Variants in SCNN1B observed in about 807,000 individuals in gnomAD.
SCNN1B encodes epithelial sodium channel subunit beta.
Under a neutral mutation model 65.3 loss-of-function variants are expected in SCNN1B, and 46 were observed. The observed-to-expected ratio is 0.70, with a 90% CI of 0.56 to 0.90. The LOEUF (loss-of-function observed/expected upper bound fraction) is 0.90, where lower values mean the gene tolerates loss of function less well. SCNN1B is among the 40% of genes least tolerant of loss of function. The probability of loss-of-function intolerance (pLI) is 0.00; values close to 1 mark genes in which losing one functional copy is unlikely to be tolerated. For missense variants in SCNN1B, 751 were observed against 830.5 expected (o/e 0.90, Z 1.18); for synonymous variants, 349 against 330.6 (o/e 1.06, Z -0.60).
chr16:23,287,694 T>C (rs374748477), intron 2 of SCNN1B, among the ~76,000 whole-genome samples: 15 of 152,168 alleles, frequency 9.9e-5, no homozygotes, highest in African/African-American at 2.9e-4. Flanking sequence ...CAGTGAGCTA[T>C]GATTATACCA....
chr16:23,377,569 C>CT (rs1444074315), intron 10 of SCNN1B, among the ~76,000 whole-genome samples, 183 bp downstream of exon 10: 3 of 30,196 alleles, frequency 9.9e-5, no homozygotes, highest in Middle Eastern at 0.013. Context: ...TTCCTCCTCT[C>CT]TTTTCCCTTC....
At chr16:23,363,899 G>A (rs552308239) in intron 4 of SCNN1B, among the ~76,000 whole-genome samples, 1 of 152,126 alleles carries the variant, frequency 6.6e-6, no homozygotes, top group East Asian at 1.9e-4. Flanking sequence ...CAGGTGCAGT[G>A]ACTCACCCTG....
chr16:23,339,042 C>T (rs1049836198), intron 1 of SCNN1B, among the ~76,000 whole-genome samples: 1 of 152,176 alleles, frequency 6.6e-6, no homozygotes, highest in African/African-American at 2.4e-5. Flanking sequence ...ACTACTCACC[C>T]AAGGCCCAGA....
intron 1 of SCNN1B, among the ~76,000 whole-genome samples, chr16:23,311,388 T>C (rs28414990): frequency 0.063 from 9,616 of 152,228 alleles, 1,027 homozygotes; most frequent in African/African-American, 0.22. Flanking sequence ...TTACTCCTGA[T>C]TGGACTCATT....
chr16:23,376,678 G>A (rs1343532219), intron 8 of SCNN1B, among the ~76,000 whole-genome samples: 29 of 150,768 alleles, frequency 1.9e-4, no homozygotes, highest in Non-Finnish European at 3.2e-4. Flanking sequence ...GGGAGGCCGC[G>A]GTGAGCAGAT....
chr16:23,313,772 C>T (rs1191468736), intron 1 of SCNN1B, among the ~76,000 whole-genome samples: 1 of 152,168 alleles, frequency 6.6e-6, no homozygotes, highest in Non-Finnish European at 1.5e-5. Flanking sequence ...CCACCACGCC[C>T]AGCTAATTTT....
intron 1 of SCNN1B, among the ~76,000 whole-genome samples, chr16:23,321,849 C>T (rs1248374926): frequency 6.6e-6 from 1 of 151,988 alleles, no homozygotes; most frequent in Non-Finnish European, 1.5e-5. Flanking sequence ...ATGGCAAAAC[C>T]CTGCCTCTAC....
intron 10 of SCNN1B, 117 bp from the exon 11 acceptor site, chr16:23,378,589 T>C (rs1229522633): frequency 6.8e-6 from 6 of 877,220 alleles, no homozygotes; most frequent in Non-Finnish European, 1.1e-5. Flanking sequence ...AAATTGTGAT[T>C]CCCCCGGGGG....
chr16:23,375,862 G>T lies in SCNN1B; in HGVS notation c.1270+7G>T. ...CGGGACTTCCCAGACTGGGGTGAGC[G>T]GGGGCACGGGGGATCGGCACTCCAG... is the stretch of plus-strand genomic sequence containing the variant. On this transcript the variant is annotated splice_region_variant and intron_variant, in intron 8 of 12. Coordinates refer to ENST00000343070, the MANE Select transcript of SCNN1B (RefSeq NM_000336.3). 6.4e-7 allele frequency: 1 copy of T among 1,563,654 alleles called. No individual in the cohort carries two copies. The highest frequency in any genetic ancestry group is 8.8e-7 in the Non-Finnish European group (1 of 1,134,138).
chr16:23,311,184 C>T (rs772476101), intron 1 of SCNN1B, among the ~76,000 whole-genome samples: 2 of 152,220 alleles, frequency 1.3e-5, no homozygotes, highest in Non-Finnish European at 1.5e-5. Context: ...CAAGGATATT[C>T]GGCACTGTGA....
intron 3 of SCNN1B, among the ~76,000 whole-genome samples, chr16:23,354,128 C>A (rs568071126): frequency 1.3e-5 from 2 of 152,200 alleles, no homozygotes; most frequent in Non-Finnish European, 2.9e-5. Flanking sequence ...ACAAACTAGC[C>A]GACGTCATAT....
Position 23,353,046 on chromosome 16 carries a change from C to T in SCNN1B, c.557C>T (p.Ala186Val), listed in dbSNP as rs888378670. Residue 186 changes from alanine (A) to valine (V), a missense_variant, in exon 3 of 13, where the codon GCC (alanine) becomes GTC (valine). Ala to Val is a moderately conservative substitution (Grantham distance 64, BLOSUM62 0). Coordinates refer to ENST00000343070, the MANE Select transcript of SCNN1B (RefSeq NM_000336.3). ...TCAGCATCAGAAAAGATCTGTAATG[C>T]CCACGGGTGCAAAATGGCCATGAGA... ...SSSASEKICN[A>V]HGCKMAMRLC... 1 of 1,614,166 alleles carries T rather than the reference C, an allele frequency of 6.2e-7. No individual in the cohort carries two copies. Among genetic ancestry groups the T allele is most frequent in the Non-Finnish European group, 8.5e-7 (1 of 1,180,036 alleles).
chr16:23,349,148 T>G (rs1056628645), intron 2 of SCNN1B, among the ~76,000 whole-genome samples: 7 of 151,984 alleles, frequency 4.6e-5, no homozygotes, highest in Non-Finnish European at 8.8e-5. Flanking sequence ...TCTCTGTCTT[T>G]CCATTTGCCT....
At chr16:23,282,793 C>T (rs1214278143) in intron 1 of SCNN1B, among the ~76,000 whole-genome samples, 1 of 152,232 alleles carries the variant, frequency 6.6e-6, no homozygotes, top group Non-Finnish European at 1.5e-5. Context: ...GCATAAACTG[C>T]CTCTTGATTT....
At chr16:23,316,850 A>T (rs1404084674) in intron 1 of SCNN1B, among the ~76,000 whole-genome samples, 1 of 151,738 alleles carries the variant, frequency 6.6e-6, no homozygotes, top group Non-Finnish European at 1.5e-5. Flanking sequence ...CCTCAGCACC[A>T]TCACCATTAT....
At chr16:23,294,593 C>T (rs1960969479) in intron 2 of SCNN1B, among the ~76,000 whole-genome samples, 1 of 152,192 alleles carries the variant, frequency 6.6e-6, no homozygotes, top group South Asian at 2.1e-4. Context: ...TTTGCCCTTG[C>T]TGTTCCCTCT....
intron 3 of SCNN1B, 21 bp downstream of exon 3, chr16:23,353,095 T>C: frequency 6.2e-7 from 1 of 1,613,832 alleles, no homozygotes. Flanking sequence ...CCTGGGCACA[T>C]ATCAAGCAAT....
chr16:23,293,891 T>A (rs1396565701), intron 2 of SCNN1B, among the ~76,000 whole-genome samples: 5 of 152,218 alleles, frequency 3.3e-5, no homozygotes, highest in African/African-American at 1.2e-4. Context: ...GCCACTGTAC[T>A]CTAGCTTGGG....
At chr16:23,323,156 G>C (rs546724109) in intron 1 of SCNN1B, among the ~76,000 whole-genome samples, 14 of 151,924 alleles carry the variant, frequency 9.2e-5, no homozygotes, top group African/African-American at 3.4e-4. Flanking sequence ...TGAGATCACA[G>C]CACTGCACTC....
Sources: gnomAD v4.1 joint callset for allele counts (sites outside exome capture counted in the v4.1 genomes callset) on GRCh38, gnomAD v4.1.1 for gene constraint, MANE v1.5 for transcripts, NCBI Gene and HGNC (gene_info 2026-07-23, HGNC 2026-07-21) for gene names.